PDGFD: variants seen among roughly 807,000 people sequenced by gnomAD.
The protein encoded by PDGFD is platelet derived growth factor D.
Under a neutral mutation model 44.7 loss-of-function variants are expected in PDGFD, and 30 were observed. The observed-to-expected ratio is 0.67, with a 90% confidence interval of 0.50 to 0.91. The LOEUF (loss-of-function observed/expected upper bound fraction) is 0.91, where lower values mean the gene tolerates loss of function less well. Among genes scored for constraint, PDGFD ranks in the 40% least tolerant of loss-of-function variants. The pLI, the probability that PDGFD is intolerant of heterozygous loss-of-function variation, is 0.00. For missense variants in PDGFD, 445 were observed against 457.8 expected (o/e 0.97, Z 0.25); for synonymous variants, 173 against 168.4 (o/e 1.03, Z -0.21).
chr11:104,058,441 T>C (rs939141752), intron 1 of PDGFD, among the ~76,000 whole-genome samples: 8 of 152,174 alleles, frequency 5.3e-5, no homozygotes, highest in African/African-American at 1.7e-4. Flanking sequence ...AAACCCATAA[T>C]GATATATCAA....
intron 1 of PDGFD, among the ~76,000 whole-genome samples, chr11:104,106,746 CT>C (rs113183308): frequency 0.016 from 2,206 of 139,720 alleles, 38 homozygotes; most frequent in East Asian, 0.087. Context: ...TGTATGATGC[CT>C]TTTTTTTTTT....
At chr11:104,125,583 C>T (rs1384703068) in intron 1 of PDGFD, among the ~76,000 whole-genome samples, 1 of 152,052 alleles carries the variant, frequency 6.6e-6, no homozygotes, top group Non-Finnish European at 1.5e-5. Flanking sequence ...TATATGTACT[C>T]AGACCTAGGT....
At chr11:103,995,984 T>C in intron 3 of PDGFD, 81 bp downstream of exon 3, 1 of 1,284,480 alleles carries the variant, frequency 7.8e-7, no homozygotes, top group Non-Finnish European at 1.1e-6. Context: ...TCACCCTCAC[T>C]GAATTTGATC....
At chr11:104,026,397 C>A (rs571639289) in intron 1 of PDGFD, among the ~76,000 whole-genome samples, 21 of 152,266 alleles carry the variant, frequency 1.4e-4, no homozygotes, top group African/African-American at 4.1e-4. Context: ...TATCAACTAA[C>A]CCATTTATAA....
chr11:103,967,141 G>A (rs988492595), intron 3 of PDGFD, among the ~76,000 whole-genome samples: 1 of 152,168 alleles, frequency 6.6e-6, no homozygotes, highest in Admixed American at 6.5e-5. Context: ...AAAAGATATT[G>A]TAGGCATATA....
chr11:103,940,576 C>A (rs1858567796), intron 5 of PDGFD, among the ~76,000 whole-genome samples: 1 of 152,136 alleles, frequency 6.6e-6, no homozygotes, highest in South Asian at 2.1e-4. Flanking sequence ...CTGCTCCCCT[C>A]CTCATACATT....
At chr11:104,145,809 A>G (rs1037472241) in intron 1 of PDGFD, among the ~76,000 whole-genome samples, 1 of 152,220 alleles carries the variant, frequency 6.6e-6, no homozygotes, top group Admixed American at 6.5e-5. Flanking sequence ...TTAAGGCTAA[A>G]TGAGATCACA....
chr11:104,137,125 C>A (rs895583543), intron 1 of PDGFD, among the ~76,000 whole-genome samples: 1 of 152,162 alleles, frequency 6.6e-6, no homozygotes, highest in Non-Finnish European at 1.5e-5. Flanking sequence ...GTTTGTGATA[C>A]CACATGGCCT....
intron 1 of PDGFD, among the ~76,000 whole-genome samples, chr11:104,017,011 G>A (rs1296593103): frequency 1.3e-5 from 2 of 152,168 alleles, no homozygotes; most frequent in Non-Finnish European, 2.9e-5. Flanking sequence ...TCGAGGTGAT[G>A]GTATTAGGAG....
intron 3 of PDGFD, among the ~76,000 whole-genome samples, chr11:103,969,498 T>TC (rs1167700045): frequency 7.2e-6 from 1 of 139,340 alleles, no homozygotes; most frequent in African/African-American, 2.6e-5. Context: ...TTTTTTTTTT[T>TC]CCTGGAAGTG....
chr11:104,135,310 A>T (rs1765809254), intron 1 of PDGFD, among the ~76,000 whole-genome samples: 1 of 152,184 alleles, frequency 6.6e-6, no homozygotes. Flanking sequence ...CACCTATCTC[A>T]ATACTAAGGG....
At chr11:103,923,851 A>C (rs1858263040) in intron 6 of PDGFD, among the ~76,000 whole-genome samples, 1 of 152,118 alleles carries the variant, frequency 6.6e-6, no homozygotes, top group Admixed American at 6.5e-5. Context: ...GATTTTATAG[A>C]GCTTTGCAGA....
chr11:103,992,086 G>A (rs1055129186), intron 3 of PDGFD, among the ~76,000 whole-genome samples: 1 of 152,102 alleles, frequency 6.6e-6, no homozygotes, highest in South Asian at 2.1e-4. Context: ...ATCATATCTC[G>A]CTACCAAATA....
At chr11:103,971,876 T>C (rs1859108037) in intron 3 of PDGFD, among the ~76,000 whole-genome samples, 1 of 152,206 alleles carries the variant, frequency 6.6e-6, no homozygotes, top group Non-Finnish European at 1.5e-5. Flanking sequence ...ACTTCGGGAA[T>C]ACTCACCACA....
intron 1 of PDGFD, among the ~76,000 whole-genome samples, chr11:104,102,344 T>C (rs377699064): frequency 6.6e-6 from 1 of 152,090 alleles, no homozygotes; most frequent in Non-Finnish European, 1.5e-5. Flanking sequence ...TCATCACTGG[T>C]CATCAGAGAA....
intron 5 of PDGFD, among the ~76,000 whole-genome samples, chr11:103,934,812 A>G (rs986282639): frequency 2.6e-5 from 4 of 152,152 alleles, no homozygotes; most frequent in African/African-American, 7.2e-5. Context: ...GATTATGGGG[A>G]TTATGGGGAT....
At chr11:103,996,284 A>G (rs767847894) in intron 2 of PDGFD, 39 bp from the exon 3 acceptor site, 7 of 1,533,150 alleles carry the variant, frequency 4.6e-6, no homozygotes, top group Non-Finnish European at 6.2e-6. Flanking sequence ...TTTTGATTAA[A>G]GTAGATTTTG....
intron 1 of PDGFD, chr11:104,037,645 C>G (rs981047287): frequency 8.1e-6 from 13 of 1,614,084 alleles, no homozygotes; most frequent in East Asian, 2.2e-5. Flanking sequence ...TTGTGCCGAG[C>G]GATGTAACAT....
At chr11:103,914,541 T>C (rs1665942844) in intron 6 of PDGFD, among the ~76,000 whole-genome samples, 1 of 148,422 alleles carries the variant, frequency 6.7e-6, no homozygotes, top group Non-Finnish European at 1.5e-5. Flanking sequence ...CTGGTACTAT[T>C]CCTTCTGAAA....
Sources: allele counts gnomAD v4.1 joint callset (sites outside exome capture counted in the v4.1 genomes callset), GRCh38; gene constraint gnomAD v4.1.1; transcripts MANE v1.5; gene names NCBI Gene and HGNC (gene_info 2026-07-23, HGNC 2026-07-21).